The following IL13RA1 variants were observed in gnomAD, a reference collection of about 807,000 sequenced individuals.
The protein encoded by IL13RA1 is interleukin-13 receptor subunit alpha-1.
A neutral mutation model predicts 33.8 loss-of-function variants in IL13RA1; 14 were observed. That is an observed-to-expected ratio of 0.41 (90% CI 0.27 to 0.65). The LOEUF (loss-of-function observed/expected upper bound fraction) is 0.65. IL13RA1 is among the 30% of genes least tolerant of loss of function. The pLI is 0.28. For synonymous variants in IL13RA1, 116 were observed against 115.7 expected (o/e 1.00, Z -0.02); for missense variants, 313 against 327.0 (o/e 0.96, Z 0.33).
chrX:118,776,604 A>G, intron 10 of IL13RA1, 93 bp downstream of exon 10: 2 of 408,097 alleles, frequency 4.9e-6, no homozygotes, highest in African/African-American at 2.9e-5. Context: ...TAAGGTATCC[A>G]TAACATAAAA....
At chrX:118,740,114 C>A (rs753005201) in intron 1 of IL13RA1, among the ~76,000 whole-genome samples, 1 of 112,012 alleles carries the variant, frequency 8.9e-6, no homozygotes, top group African/African-American at 3.2e-5. Flanking sequence ...TAGGCATGTA[C>A]CAGCATGTTT....
At chrX:118,774,363 C>T (rs1171684883) in intron 9 of IL13RA1, among the ~76,000 whole-genome samples, 2 of 109,689 alleles carry the variant, frequency 1.8e-5, no homozygotes, top group Non-Finnish European at 3.8e-5. Context: ...TGGCCAGGCT[C>T]GTCTCAAACT....
chrX:118,769,963 C>G (rs2017693712), intron 8 of IL13RA1: 1 of 199,048 alleles, frequency 5.0e-6, no homozygotes, highest in Non-Finnish European at 9.4e-6. Context: ...ACTCCTCCAC[C>G]AGCATCAAGG....
At chrX:118,784,089 AAATAT>A (rs1168113540) in intron 10 of IL13RA1, among the ~76,000 whole-genome samples, 7 of 61,021 alleles carry the variant, frequency 1.1e-4, no homozygotes, top group South Asian at 2.4e-3. Flanking sequence ...AAAAAAAAAA[AAATAT>A]ATATATATAT....
At chrX:118,763,822 CTT>C (rs33970018) in intron 6 of IL13RA1, among the ~76,000 whole-genome samples, 1 of 102,563 alleles carries the variant, frequency 9.8e-6, no homozygotes. Context: ...AATTGAGTTA[CTT>C]TTTTTTTTTT....
chrX:118,732,267 G>T (rs775908932), intron 1 of IL13RA1, among the ~76,000 whole-genome samples: 1 of 110,284 alleles, frequency 9.1e-6, no homozygotes, highest in Admixed American at 9.7e-5. Context: ...CTATGATTTT[G>T]ACTACTCTAA....
Position 118,781,798 on chromosome X carries a change from A to G in IL13RA1, c.1191+5287A>G, listed in dbSNP as rs375895848. On this transcript the variant is annotated intron_variant, in intron 10 of 10. Transcript: ENST00000371666. The stretch of plus-strand genomic sequence containing the variant: ...AACTGCCCAAATTGTCAGGAGACAG[A>G]TATTATCCAGTCATCTCACCACTGA... 3.9e-3 allele frequency among the ~76,000 whole-genome samples: 438 copies of G among 112,392 alleles called. 2 individuals are homozygous for G. The highest frequency in any genetic ancestry group is 0.014 in the African/African-American group (422 of 31,000).
chrX:118,770,587 C>A, intron 8 of IL13RA1: 2 of 483,405 alleles, frequency 4.1e-6, no homozygotes, highest in Non-Finnish European at 7.4e-6. Flanking sequence ...GTTCCGCAAG[C>A]TGTACGGGCA....
chrX:118,791,974 G>T lies in IL13RA1; in HGVS notation c.*120G>T. On this transcript the variant is annotated 3_prime_UTR_variant, in exon 11 of 11. Transcript: ENST00000371666. ...CTACTGCACCATTTAAAAACAGGCA[G>T]CTCATAAGAGCCACAGGTCTTTATG... The T allele has an allele frequency of 2.6e-6, 1 of 381,753 alleles. No individual in the cohort carries two copies. The highest frequency in any genetic ancestry group is 5.2e-5 in the Admixed American group (1 of 19,146). The allele number at this position is 381,753 out of a possible 1,213,427, so 31.5% of individuals were successfully genotyped here. A position where few individuals can be genotyped will look rare whatever the true frequency, so the allele number is the denominator to read the frequency against.
chrX:118,764,941 T>A (rs2017630337), intron 6 of IL13RA1, among the ~76,000 whole-genome samples: 1 of 112,064 alleles, frequency 8.9e-6, no homozygotes, highest in African/African-American at 3.2e-5. Flanking sequence ...AGCTCAATGA[T>A]TTTTCACAAA....
At chrX:118,784,201 G>A (rs1345128599) in intron 10 of IL13RA1, among the ~76,000 whole-genome samples, 2 of 96,385 alleles carry the variant, frequency 2.1e-5, no homozygotes, top group Non-Finnish European at 4.0e-5. Context: ...TATACATTTA[G>A]TATAGACAAA....
At position 118,782,115 on chromosome X, in the gene IL13RA1, G is replaced by A. The variant is rs981018364; in HGVS notation, c.1191+5604G>A. Among the ~76,000 whole-genome samples the A allele has an allele frequency of 5.5e-5, 6 of 109,657 alleles. No homozygotes were observed. The East Asian group carries it at 8.6e-4, about 16-fold the overall frequency. On this transcript the variant is annotated intron_variant, in intron 10 of 10. Transcript: ENST00000371666. ...TGAGACAGGATCTTGCTCTGTCACC[G>A]AGGCTGGAGGGCAGTGATGCAACCT...
chrX:118,749,821 G>T (rs1360434430), intron 4 of IL13RA1, 43 bp downstream of exon 4: 1 of 966,836 alleles, frequency 1.0e-6, no homozygotes. Flanking sequence ...GATTGTAATT[G>T]TGTTGGGAGC....
chrX:118,741,197 A>C, intron 2 of IL13RA1, 41 bp downstream of exon 2: 1 of 921,709 alleles, frequency 1.1e-6, no homozygotes. Flanking sequence ...AGGTAAAGTG[A>C]ACACTATGAA....
At chrX:118,728,543 C>T (rs1477154518) in intron 1 of IL13RA1, among the ~76,000 whole-genome samples, 1 of 112,282 alleles carries the variant, frequency 8.9e-6, no homozygotes, top group African/African-American at 3.2e-5. Context: ...TCCTTAGGAG[C>T]AGCTCCTGGA....
chrX:118,769,879 G>A (rs959215684), intron 8 of IL13RA1: 8 of 131,515 alleles, frequency 6.1e-5, no homozygotes, highest in Non-Finnish European at 9.1e-5. Context: ...CCTGGCAACC[G>A]CTGCTGTTGG....
At chrX:118,757,307 G>A (rs2017540193) in intron 4 of IL13RA1, among the ~76,000 whole-genome samples, 1 of 110,810 alleles carries the variant, frequency 9.0e-6, no homozygotes, top group South Asian at 3.8e-4. Flanking sequence ...CGAGGCGGGT[G>A]GATCACTTGT....
chrX:118,770,425 C>T (rs1273014364), intron 8 of IL13RA1: 1 of 393,044 alleles, frequency 2.5e-6, no homozygotes, highest in Admixed American at 2.9e-5. Context: ...CAACGGCAGC[C>T]TGGCACTGGC....
chrX:118,760,232 T>C (rs1434068085), intron 5 of IL13RA1, among the ~76,000 whole-genome samples: 1 of 112,006 alleles, frequency 8.9e-6, no homozygotes, highest in Admixed American at 9.5e-5. Flanking sequence ...CAACCACCTT[T>C]CTACTTTCTG....
Sources: gnomAD v4.1 joint callset for allele counts (sites outside exome capture counted in the v4.1 genomes callset) on GRCh38, gnomAD v4.1.1 for gene constraint, MANE v1.5 for transcripts, NCBI Gene and HGNC (gene_info 2026-07-23, HGNC 2026-07-21) for gene names.